The following OOSP4B variants were observed in gnomAD, a reference collection of about 807,000 sequenced individuals.
OOSP4B encodes the protein oocyte-secreted protein 4B.
At chr11:60,022,621 C>A (rs1189974422) in intron 1 of OOSP4B, among the ~76,000 whole-genome samples, 1 of 152,162 alleles carries the variant, frequency 6.6e-6, no homozygotes, top group Non-Finnish European at 1.5e-5. Context: ...TGGATACTGC[C>A]AACTGTCCTG....
chr11:60,028,499 C>A (rs1018764139), intron 3 of OOSP4B, among the ~76,000 whole-genome samples: 2 of 152,088 alleles, frequency 1.3e-5, no homozygotes, highest in African/African-American at 4.8e-5. Flanking sequence ...GTAAATTTTT[C>A]CTCAATGTTT....
At chr11:60,021,810 C>G (rs143663006) in intron 1 of OOSP4B, among the ~76,000 whole-genome samples, 1 of 151,952 alleles carries the variant, frequency 6.6e-6, no homozygotes, top group Admixed American at 6.6e-5. Context: ...CTGGCGAAAC[C>G]CTGTCTCTGC....
chr11:60,019,582 T>G (rs1233857859), intron 1 of OOSP4B: 1 of 153,956 alleles, frequency 6.5e-6, no homozygotes, highest in Non-Finnish European at 1.4e-5. Context: ...ATCTTCGCGG[T>G]GAGTATTAGA....
At chr11:60,020,925 G>A (rs1275521088) in intron 1 of OOSP4B, among the ~76,000 whole-genome samples, 1 of 152,158 alleles carries the variant, frequency 6.6e-6, no homozygotes, top group Non-Finnish European at 1.5e-5. Context: ...ACAAAACCTA[G>A]CTCCTGCTCC....
At chr11:60,027,166 T>C (rs1443010728) in intron 3 of OOSP4B, among the ~76,000 whole-genome samples, 1 of 152,066 alleles carries the variant, frequency 6.6e-6, no homozygotes, top group Non-Finnish European at 1.5e-5. Flanking sequence ...TTCCTTTTCC[T>C]CACTGTCACG....
intron 1 of OOSP4B, among the ~76,000 whole-genome samples, chr11:60,022,764 G>A (rs985691439): frequency 6.6e-6 from 1 of 151,976 alleles, no homozygotes; most frequent in Non-Finnish European, 1.5e-5. Flanking sequence ...TTCCCCTAGG[G>A]GTGGGGAGAG....
intron 3 of OOSP4B, among the ~76,000 whole-genome samples, chr11:60,028,672 T>C (rs918143262): frequency 1.3e-5 from 2 of 152,250 alleles, no homozygotes; most frequent in African/African-American, 4.8e-5. Context: ...GTGATCTTTC[T>C]GTGGTTTTAA....
intron 1 of OOSP4B, chr11:60,021,970 C>A (rs1854694643): frequency 1.8e-5 from 2 of 113,548 alleles, no homozygotes; most frequent in African/African-American, 3.5e-5. Context: ...GGTGACAAAG[C>A]AAGACTCTAT....
chr11:60,017,294 C>T (rs1199420771), exon 1 of OOSP4B: 1 of 398,372 alleles, frequency 2.5e-6, no homozygotes, highest in East Asian at 3.6e-5. Context: ...AGGGTAATTG[C>T]AGACAGCTGA....
intron 1 of OOSP4B, among the ~76,000 whole-genome samples, chr11:60,020,391 C>G (rs1854677806): frequency 6.6e-6 from 1 of 151,912 alleles, no homozygotes; most frequent in East Asian, 1.9e-4. Context: ...CTGCAGGTCC[C>G]CAGCCCTGCC....
intron 2 of OOSP4B, among the ~76,000 whole-genome samples, 191 bp from the exon 3 acceptor site, chr11:60,024,717 T>C (rs1854728218): frequency 6.6e-6 from 1 of 152,152 alleles, no homozygotes; most frequent in African/African-American, 2.4e-5. Context: ...GTATTAGAGA[T>C]GGGGGCAAAG....
exon 5 of OOSP4B, chr11:60,030,920 G>A (rs1854801343): frequency 2.5e-6 from 1 of 397,534 alleles, no homozygotes; most frequent in East Asian, 3.6e-5. Context: ...CAATACTGTT[G>A]ATGTGTCTGT....
chr11:60,028,227 G>A (rs893879339), intron 3 of OOSP4B, among the ~76,000 whole-genome samples: 2 of 151,290 alleles, frequency 1.3e-5, no homozygotes, highest in African/African-American at 4.9e-5. Context: ...GTGCAGTGGT[G>A]CGATCTCAGC....
intron 1 of OOSP4B, among the ~76,000 whole-genome samples, chr11:60,019,822 T>G (rs962955347): frequency 4.6e-5 from 7 of 152,186 alleles, no homozygotes; most frequent in African/African-American, 7.2e-5. Context: ...CAGCCTGCTT[T>G]TATTCCCTTA....
intron 3 of OOSP4B, among the ~76,000 whole-genome samples, chr11:60,025,527 G>A (rs779924072): frequency 4.6e-5 from 7 of 152,100 alleles, no homozygotes; most frequent in Non-Finnish European, 8.8e-5. Context: ...AAATAGAATC[G>A]CAGCATGTAT....
chr11:60,024,942 A>C (rs1854732068), exon 3 of OOSP4B: 1 of 398,280 alleles, frequency 2.5e-6, no homozygotes, highest in Non-Finnish European at 4.4e-6. Context: ...ATATTATCAG[A>C]GATCAGTTAC....
intron 1 of OOSP4B, chr11:60,019,701 A>C (rs1181361133): frequency 6.6e-6 from 1 of 152,292 alleles, no homozygotes; most frequent in Non-Finnish European, 1.5e-5. Flanking sequence ...ACAGCTCATA[A>C]AGGCAGTGTG....
intron 1 of OOSP4B, among the ~76,000 whole-genome samples, chr11:60,022,776 T>A (rs911421973): frequency 2.0e-5 from 3 of 151,596 alleles, no homozygotes; most frequent in Admixed American, 1.3e-4. Context: ...TGGGGAGAGA[T>A]AATAGTAAAA....
intron 1 of OOSP4B, among the ~76,000 whole-genome samples, chr11:60,022,551 G>A (rs982046403): frequency 1.3e-5 from 2 of 152,174 alleles, no homozygotes; most frequent in African/African-American, 4.8e-5. Context: ...CAGGTTTCTA[G>A]GCCAAATAAG....
Sources: gnomAD v4.1 joint callset for allele counts (sites outside exome capture counted in the v4.1 genomes callset) on GRCh38, gnomAD v4.1.1 for gene constraint, MANE v1.5 for transcripts, NCBI Gene and HGNC (gene_info 2026-07-23, HGNC 2026-07-21) for gene names.